Variants in ADGRF5 observed in about 807,000 individuals in gnomAD.
The protein encoded by ADGRF5 is G-protein coupled receptor 116.
Under a neutral mutation model 132.3 loss-of-function variants are expected in ADGRF5, and 75 were observed. The observed-to-expected ratio is 0.57, with a 90% CI of 0.47 to 0.69. The LOEUF (loss-of-function observed/expected upper bound fraction) is 0.69, where lower values mean the gene tolerates loss of function less well. Among genes scored for constraint, ADGRF5 ranks in the 30% least tolerant of loss-of-function variants. The pLI, the probability that ADGRF5 is intolerant of heterozygous loss-of-function variation, is 0.00. For missense variants in ADGRF5, 1,516 were observed against 1,630.6 expected, an observed-to-expected ratio of 0.93 and a Z score of 1.21; for synonymous variants, 629 against 597.6, an observed-to-expected ratio of 1.05 and a Z score of -0.77.
chr6:46,856,795 A>T lies in ADGRF5; in HGVS notation c.3817-18T>A. ...TCCTGTACCTGCATTGTTAAAAAGA[A>T]GCTATCGTAACTTCAACATGCCACA... On this transcript the variant is annotated intron_variant, in intron 18 of 20. Transcript: ENST00000283296. 1 of 1,597,300 alleles carries T rather than the reference A, an allele frequency of 6.3e-7. No individual in the cohort carries two copies. Among genetic ancestry groups the T allele is most frequent in the Admixed American group, 1.7e-5 (1 of 59,962 alleles).
chr6:46,877,976 G>T lies in ADGRF5; in HGVS notation c.1240+226C>A, dbSNP rs1771999362. On this transcript the variant is annotated intron_variant, in intron 10 of 20. Transcript: ENST00000283296. ...TAATTTCTTGGGTCTTCTGCTGCTG[G>T]GATCTCATCTACAACCAAAGCACGA... Among the ~76,000 whole-genome samples the T allele has an allele frequency of 2.0e-5, 3 of 152,106 alleles. No individual in the cohort carries two copies. The South Asian group carries it at 6.2e-4, about 32-fold the overall frequency.
At chr6:46,943,253 G>A (rs575405257) in intron 1 of ADGRF5, among the ~76,000 whole-genome samples, 2 of 152,212 alleles carry the variant, frequency 1.3e-5, no homozygotes, top group African/African-American at 4.8e-5. Context: ...GCTAAGTTTT[G>A]TCAAGAGCAG....
At chr6:46,899,018 G>T (rs1001424229) in intron 3 of ADGRF5, among the ~76,000 whole-genome samples, 7 of 152,306 alleles carry the variant, frequency 4.6e-5, no homozygotes, top group Middle Eastern at 6.8e-3. Context: ...TCTACTGGGG[G>T]TGGTAAAGAG....
intron 13 of ADGRF5, 92 bp downstream of exon 13, chr6:46,866,833 C>G: frequency 2.8e-6 from 2 of 715,978 alleles, no homozygotes; most frequent in Non-Finnish European, 4.9e-6. Flanking sequence ...TGATACAATC[C>G]TATGTCTCTT....
chr6:46,922,403 C>T (rs745400473), upstream of ADGRF5, among the ~76,000 whole-genome samples: 1 of 152,144 alleles, frequency 6.6e-6, no homozygotes, highest in African/African-American at 2.4e-5. Context: ...ATTGGAGGGA[C>T]GTCCAGTTCT....
At chr6:46,878,509 A>G (rs1484240659) in intron 9 of ADGRF5, 104 bp from the exon 10 acceptor site, 1 of 719,830 alleles carries the variant, frequency 1.4e-6, no homozygotes, top group Non-Finnish European at 2.3e-6. Context: ...ATGAAGTATC[A>G]TTTTCAAAAG....
chr6:46,882,746 C>T lies in ADGRF5; in HGVS notation c.613-639G>A, dbSNP rs532867332. Among the ~76,000 whole-genome samples the T allele has an allele frequency of 2.6e-5, 4 of 152,342 alleles. No homozygotes were observed. The South Asian group carries it at 8.3e-4, about 32-fold the overall frequency. On this transcript the variant is annotated intron_variant, in intron 6 of 20. Coordinates refer to ENST00000283296, the MANE Select transcript of ADGRF5 (RefSeq NM_001098518.2). ...GAGGAGGGTTCTCCTGCTGTGCAGA[C>T]ATATTACATGCCAGAAATGTAAATC...
chr6:46,927,688 A>G (rs1004687245), intron 1 of ADGRF5, among the ~76,000 whole-genome samples: 1 of 152,144 alleles, frequency 6.6e-6, no homozygotes, highest in African/African-American at 2.4e-5. Flanking sequence ...TGTTAACATC[A>G]TTATCACAGA....
chr6:46,895,837 C>G (rs1008435099), intron 3 of ADGRF5, among the ~76,000 whole-genome samples: 4 of 151,870 alleles, frequency 2.6e-5, no homozygotes, highest in Admixed American at 2.6e-4. Flanking sequence ...GAAGAGTCCC[C>G]ATAAGACTAA....
chr6:46,904,070 T>C (rs775857155), intron 2 of ADGRF5, among the ~76,000 whole-genome samples: 6 of 152,298 alleles, frequency 3.9e-5, no homozygotes, highest in Non-Finnish European at 8.8e-5. Context: ...AGATGGTCAC[T>C]GGAGCAGGAT....
intron 1 of ADGRF5, among the ~76,000 whole-genome samples, chr6:46,919,406 G>A (rs1776702044): frequency 6.6e-6 from 1 of 152,148 alleles, no homozygotes; most frequent in Admixed American, 6.5e-5. Flanking sequence ...TGAAAGAAGA[G>A]GCATAAAAGT....
Position 46,857,331 on chromosome 6 carries a change from G to T in ADGRF5, c.3775-423C>A, listed in dbSNP as rs114260768. On this transcript the variant is annotated intron_variant, in intron 17 of 20. Transcript: ENST00000283296. ...CACAGGCCCAGTAGCAGAAATCAAG[G>T]TTCATATGTTCTTGGCACAAGCATC... Among the ~76,000 whole-genome samples, 776 of 152,278 alleles carry T rather than the reference G, an allele frequency of 5.1e-3. 2 individuals are homozygous for T. The highest frequency in any genetic ancestry group is 8.6e-3 in the Non-Finnish European group (584 of 68,024).
At position 46,881,445 on chromosome 6, in the gene ADGRF5, T is replaced by C. The variant is rs1219893766; in HGVS notation, c.814+10A>G. 1.9e-6 allele frequency: 3 copies of C among 1,609,394 alleles called. No individual in the cohort carries two copies. In the East Asian group the frequency reaches 6.7e-5, roughly 36 times the overall value. On this transcript the variant is annotated intron_variant, in intron 8 of 20. Coordinates refer to ENST00000283296, the MANE Select transcript of ADGRF5 (RefSeq NM_001098518.2). Reference sequence around the variant, plus strand: ...AAATAACATGACCATATCTAAACAATTTCACTTACTGATAGTAACTGCTTG... The same window carrying C: ...AAATAACATGACCATATCTAAACAACTTCACTTACTGATAGTAACTGCTTG...
chr6:46,879,757 A>G (rs1046931291), intron 9 of ADGRF5, 61 bp downstream of exon 9: 36 of 1,112,752 alleles, frequency 3.2e-5, no homozygotes, highest in Non-Finnish European at 5.0e-5. Context: ...ACTATTACAT[A>G]TTTGCTTCTT....
At chr6:46,876,471 CAT>C (rs1379421508) in intron 10 of ADGRF5, among the ~76,000 whole-genome samples, 1 of 152,228 alleles carries the variant, frequency 6.6e-6, no homozygotes, top group Non-Finnish European at 1.5e-5. Flanking sequence ...CTCCATGTAT[CAT>C]GTGTCAACAT....
In ADGRF5 at chr6:46,882,034, T is replaced by A. The variant is rs187162379; in HGVS notation, c.671+15A>T. The A allele has an allele frequency of 7.7e-5, 122 of 1,575,906 alleles. No homozygotes were observed. The African/African-American group carries it at 1.5e-3, about 19-fold the overall frequency. Reference sequence around the variant, plus strand: ...CAGCCATAAATTAGAAATGATCAAATTAAAGTATTCTTACTTGAACCCTGT... The same window carrying A: ...CAGCCATAAATTAGAAATGATCAAAATAAAGTATTCTTACTTGAACCCTGT... On this transcript the variant is annotated intron_variant, in intron 7 of 20. Transcript: ENST00000283296.
intron 3 of ADGRF5, among the ~76,000 whole-genome samples, chr6:46,894,630 A>C (rs1406256803): frequency 6.6e-6 from 1 of 152,208 alleles, no homozygotes; most frequent in Non-Finnish European, 1.5e-5. Context: ...ATAAGCATGG[A>C]CTTTGGAGCC....
intron 15 of ADGRF5, among the ~76,000 whole-genome samples, chr6:46,861,769 G>A (rs1233186493): frequency 6.6e-6 from 1 of 152,188 alleles, no homozygotes; most frequent in East Asian, 1.9e-4. Context: ...TAAATCAAAG[G>A]AAGCATGATA....
intron 1 of ADGRF5, among the ~76,000 whole-genome samples, chr6:46,941,452 AAAAGAAAAGAAAAG>A (rs1320183207): frequency 0.027 from 1,216 of 44,544 alleles, 17 homozygotes; most frequent in Middle Eastern, 0.068. Context: ...AAAAGAAAAG[AAAAGAAAAGAAAAG>A]AAAGAAAAGA....
Sources: gnomAD v4.1 joint callset for allele counts (sites outside exome capture counted in the v4.1 genomes callset) on GRCh38, gnomAD v4.1.1 for gene constraint, MANE v1.5 for transcripts, NCBI Gene and HGNC (gene_info 2026-07-23, HGNC 2026-07-21) for gene names.